The following TDO2 variants were observed in gnomAD, a reference collection of about 807,000 sequenced individuals.
The protein encoded by TDO2 is tryptophan 2,3-dioxygenase.
A neutral mutation model predicts 61.2 loss-of-function variants in TDO2; 63 were observed. The observed-to-expected ratio is 1.03, with a 90% CI of 0.84 to 1.27. TDO2 has a LOEUF of 1.27. Ranked by LOEUF, TDO2 falls within the 50% of genes most tolerant of loss-of-function variation. The pLI, the probability that TDO2 is intolerant of heterozygous loss-of-function variation, is 0.00. For synonymous variants in TDO2, 183 were observed against 164.0 expected (o/e 1.12, Z -0.89); for missense variants, 494 against 469.5 (o/e 1.05, Z -0.48).
At chr4:155,911,741 G>A (rs1297060260) in intron 7 of TDO2, 137 bp downstream of exon 7, 1 of 547,028 alleles carries the variant, frequency 1.8e-6, no homozygotes, top group Admixed American at 3.8e-5. Context: ...CTTGGACTAT[G>A]TGACATGATT....
At chr4:155,916,982 A>C (rs80234687) in intron 9 of TDO2, among the ~76,000 whole-genome samples, 21 of 147,810 alleles carry the variant, frequency 1.4e-4, no homozygotes, top group African/African-American at 4.9e-4. Context: ...AAACAACAAC[A>C]AAAAAAACAA....
At position 155,905,191 on chromosome 4, in the gene TDO2, C is replaced by T. The variant is rs140213010; in HGVS notation, c.232+34C>T. 11 of 1,440,676 alleles carry T rather than the reference C, an allele frequency of 7.6e-6. No homozygotes were observed. In the East Asian group the frequency reaches 1.9e-4, roughly 25 times the overall value. 89.2% of individuals were successfully genotyped at this position (1,440,676 alleles called of 1,614,324 possible). On this transcript the variant is annotated intron_variant, in intron 3 of 11. Coordinates refer to ENST00000536354, the MANE Select transcript of TDO2 (RefSeq NM_005651.4). Reference sequence around the variant, plus strand: ...CACAAAGGTTTTGGACAATATTCCACAGGCATTTCTCATTGATAACGAGGA... The same window carrying T: ...CACAAAGGTTTTGGACAATATTCCATAGGCATTTCTCATTGATAACGAGGA...
In TDO2 at chr4:155,910,093, T is replaced by C. The variant is rs1481361495; in HGVS notation, c.500T>C (p.Val167Ala). Reference protein sequence around the residue: ...QFRLLENKIGVLQNMRVPYNR... With the variant: ...QFRLLENKIGALQNMRVPYNR... Reference sequence around the variant, plus strand: ...CGACTATTAGAAAACAAGATAGGTGTTCTTCAGAACATGAGAGTCCCTTAT... The same window carrying C: ...CGACTATTAGAAAACAAGATAGGTGCTCTTCAGAACATGAGAGTCCCTTAT... The change falls in exon 6 of 12, where the codon GTT becomes GCT. Residue 167 changes from valine (V) to alanine (A), a missense_variant. Physicochemically the swap from Val to Ala is moderately conservative, Grantham distance 64. Transcript: ENST00000536354. 19 of 1,598,988 alleles carry C rather than the reference T, an allele frequency of 1.2e-5. No homozygotes were observed. The highest frequency in any genetic ancestry group is 1.6e-5 in the Non-Finnish European group (19 of 1,175,454).
At chr4:155,918,067 C>T in intron 10 of TDO2, 82 bp from the exon 11 acceptor site, 2 of 1,347,640 alleles carry the variant, frequency 1.5e-6, no homozygotes, top group Non-Finnish European at 2.1e-6. Context: ...AAGCAATTAT[C>T]ATTACCAACC....
Position 155,918,193 on chromosome 4 carries a change from G to A in TDO2, c.1021G>A (p.Gly341Ser), listed in dbSNP as rs770406923. 1.9e-6 allele frequency: 3 copies of A among 1,614,080 alleles called. No individual in the cohort carries two copies. Among genetic ancestry groups the A allele is most frequent in the South Asian group, 2.2e-5 (2 of 91,080 alleles). ...MVHRMLGSKA[G>S]TGGSSGYHYL... Reference sequence around the variant, plus strand: ...GCACAGAATGCTGGGCAGCAAAGCTGGCACCGGTGGTTCCTCAGGCTATCA... The same window carrying A: ...GCACAGAATGCTGGGCAGCAAAGCTAGCACCGGTGGTTCCTCAGGCTATCA... The change falls in exon 11 of 12, where the codon GGC becomes AGC. Residue 341 changes from glycine (G) to serine (S), a missense_variant. By Grantham distance (56) the Gly-to-Ser change is moderately conservative. Coordinates refer to ENST00000536354, the MANE Select transcript of TDO2 (RefSeq NM_005651.4).
chr4:155,917,440 T>C lies in TDO2; in HGVS notation c.942T>C (p.Leu314=), dbSNP rs1241503690. 3 of 1,611,816 alleles carry C rather than the reference T, an allele frequency of 1.9e-6. No homozygotes were observed. Among genetic ancestry groups the C allele is most frequent in the African/African-American group, 2.7e-5 (2 of 74,804 alleles). The change falls in exon 10 of 12, where the codon CTT becomes CTC. Residue 314 remains leucine, a synonymous_variant. Transcript: ENST00000536354. The part of the protein sequence containing the change: ...FQVPFQLLTS[L]MDIDSLMTKW... ...TGCCTTTTCAGTTGCTGACTTCTCTTATGGACATAGATTCACTGATGACCA... is the reference window on the plus strand; with the variant it reads ...TGCCTTTTCAGTTGCTGACTTCTCTCATGGACATAGATTCACTGATGACCA...
chr4:155,913,121 G>C (rs1579329342), intron 7 of TDO2, among the ~76,000 whole-genome samples: 1 of 152,030 alleles, frequency 6.6e-6, no homozygotes, highest in South Asian at 2.1e-4. Context: ...TCTGAACTGT[G>C]CTCCCCCACC....
Position 155,914,310 on chromosome 4 carries a change from A to G in TDO2, c.727-13A>G. The G allele has an allele frequency of 1.3e-6, 2 of 1,590,728 alleles. No individual in the cohort carries two copies. Among genetic ancestry groups the G allele is most frequent in the Middle Eastern group, 1.7e-4 (1 of 6,018 alleles). On this transcript the variant is annotated splice_polypyrimidine_tract_variant and intron_variant, in intron 7 of 11. Transcript: ENST00000536354. The stretch of plus-strand genomic sequence containing the variant: ...TCTCTCTCAGGACTATTAATGCCAT[A>G]TTTTTCCTAAAGGCTAAAGAAGAGT...
At chr4:155,914,733 GA>G (rs573762040) in intron 8 of TDO2, among the ~76,000 whole-genome samples, 28 of 152,198 alleles carry the variant, frequency 1.8e-4, no homozygotes, top group Non-Finnish European at 2.9e-4. Flanking sequence ...GGACAGAAAT[GA>G]AGACAAATCA....
At chr4:155,915,935 C>T in intron 9 of TDO2, 23 bp downstream of exon 9, 1 of 1,595,966 alleles carries the variant, frequency 6.3e-7, no homozygotes, top group Non-Finnish European at 8.5e-7. Context: ...CGAAGAGAGA[C>T]TGAAGTTAAA....
chr4:155,908,827 T>C (rs1742765086), intron 4 of TDO2, 60 bp from the exon 5 acceptor site: 3 of 1,505,696 alleles, frequency 2.0e-6, no homozygotes, highest in Non-Finnish European at 2.7e-6. Context: ...TGCCATTGTC[T>C]ATTTTGTATT....
At chr4:155,904,369 G>A (rs889201065) in intron 2 of TDO2, among the ~76,000 whole-genome samples, 18 of 152,286 alleles carry the variant, frequency 1.2e-4, no homozygotes, top group African/African-American at 2.2e-4. Context: ...TCTGGGAGGC[G>A]TATACATGAT....
At chr4:155,912,050 C>G (rs1742844984) in intron 7 of TDO2, among the ~76,000 whole-genome samples, 1 of 152,180 alleles carries the variant, frequency 6.6e-6, no homozygotes, top group African/African-American at 2.4e-5. Context: ...TTGCCCTTAT[C>G]TTTCAGGTCT....
intron 8 of TDO2, 139 bp from the exon 9 acceptor site, chr4:155,915,716 G>C (rs1742919007): frequency 3.5e-6 from 2 of 566,544 alleles, no homozygotes; most frequent in Non-Finnish European, 6.1e-6. Flanking sequence ...TCAACCTAAG[G>C]GATAAAAAAT....
Position 155,910,040 on chromosome 4 carries a change from A to G in TDO2, c.447A>G (p.Pro149=), listed in dbSNP as rs1742801235. The change falls in exon 6 of 12, where the codon CCA becomes CCG. Residue 149 remains proline (P), a synonymous_variant. Coordinates refer to ENST00000536354, the MANE Select transcript of TDO2 (RefSeq NM_005651.4). ...AATCTCAAAGAGAGTACTTATCTCC[A>G]GCATCAGGCTTCCAGAGTTTGCAAT... ...DFNDFREYLS[P]ASGFQSLQFR... is the part of the protein sequence containing the mutation. The G allele has an allele frequency of 6.4e-7, 1 of 1,565,034 alleles. No homozygotes were observed. Among genetic ancestry groups the G allele is most frequent in the Non-Finnish European group, 8.6e-7 (1 of 1,163,760 alleles).
At chr4:155,903,933 C>G (rs1742671158) in intron 1 of TDO2, 85 bp from the exon 2 acceptor site, 5 of 1,492,518 alleles carry the variant, frequency 3.4e-6, no homozygotes, top group Admixed American at 1.8e-5. Flanking sequence ...AGAAAATTTG[C>G]AATGAGAATT....
In TDO2 at chr4:155,905,307, C is replaced by A. The variant is rs150287265; in HGVS notation, c.232+150C>A. The A allele has an allele frequency of 2.5e-5, 16 of 648,380 alleles. No individual in the cohort carries two copies. The East Asian group carries it at 3.6e-4, about 14-fold the overall frequency. 40.2% of individuals were successfully genotyped at this position (648,380 alleles called of 1,614,324 possible). A position where few individuals can be genotyped will look rare whatever the true frequency, so the allele number is the denominator to read the frequency against. ...AGAATATTTTGCTGCCAGATGAATTCTCATAGGACTGATATAAGGATTTCA... is the reference window on the plus strand; with the variant it reads ...AGAATATTTTGCTGCCAGATGAATTATCATAGGACTGATATAAGGATTTCA... On this transcript the variant is annotated intron_variant, in intron 3 of 11. Transcript: ENST00000536354.
At position 155,905,156 on chromosome 4, in the gene TDO2, A is replaced by C; in HGVS notation, c.231A>C (p.Gln77His). The C allele has an allele frequency of 6.3e-7, 1 of 1,580,276 alleles. No homozygotes were observed. The highest frequency in any genetic ancestry group is 8.6e-7 in the Non-Finnish European group (1 of 1,164,608). ...AACATCTTTTTATCATAACTCATCA[A>C]GGTAAGTTGCACAAAGGTTTTGGAC... ...HDEHLFIITHQAYELWFKQIL... is the reference protein window; with the variant it reads ...HDEHLFIITHHAYELWFKQIL... Residue 77 changes from glutamine to histidine, a missense_variant and splice_region_variant, in exon 3 of 12, where the codon CAA becomes CAC. Physicochemically the swap from Gln to His is conservative, Grantham distance 24. Coordinates refer to ENST00000536354, the MANE Select transcript of TDO2 (RefSeq NM_005651.4).
intron 1 of TDO2, 32 bp from the exon 2 acceptor site, chr4:155,903,986 T>G: frequency 6.3e-7 from 1 of 1,590,468 alleles, no homozygotes; most frequent in Non-Finnish European, 8.6e-7. Flanking sequence ...TCTAAAGCAC[T>G]ATTTTTCCCT....
Sources: allele counts gnomAD v4.1 joint callset (sites outside exome capture counted in the v4.1 genomes callset), GRCh38; gene constraint gnomAD v4.1.1; transcripts MANE v1.5; gene names NCBI Gene and HGNC (gene_info 2026-07-23, HGNC 2026-07-21).